PPP1R12A: variants seen among roughly 807,000 people sequenced by gnomAD.
PPP1R12A encodes myosin binding subunit.
A neutral mutation model predicts 139.6 loss-of-function variants in PPP1R12A; 19 were observed. The ratio of observed to expected loss-of-function variants is 0.14; its 90% confidence interval spans 0.09 to 0.20. The LOEUF is 0.20. Among genes scored for constraint, PPP1R12A ranks in the 10% least tolerant of loss-of-function variants. The pLI is 1.00. For synonymous variants in PPP1R12A, 427 were observed against 420.6 expected (o/e 1.02, Z -0.19); for missense variants, 925 against 1,211.5 (o/e 0.76, Z 3.51).
intron 5 of PPP1R12A, among the ~76,000 whole-genome samples, chr12:79,827,818 C>T (rs1372305179): frequency 6.6e-6 from 1 of 152,096 alleles, no homozygotes; most frequent in African/African-American, 2.4e-5. Flanking sequence ...CAATGATCCC[C>T]TTTGGCATAA....
rs1290815438 is a variant in PPP1R12A at position 79,821,751 on chromosome 12, C to CAAA, written c.867+362_867+364dup. On this transcript the variant is annotated intron_variant, in intron 6 of 24. Coordinates refer to ENST00000450142, the MANE Select transcript of PPP1R12A (RefSeq NM_002480.3). ...CTGGGACAGAGTGAGACCCCATCTCCAAAAAAAAAAAAAAACTGTTTTCTA... is the reference window on the plus strand; with the variant it reads ...CTGGGACAGAGTGAGACCCCATCTCCAAAAAAAAAAAAAAAAAACTGTTTTCTA... 4.5e-3 allele frequency among the ~76,000 whole-genome samples: 488 copies of CAAA among 107,336 alleles called. 2 individuals carry two copies. Among genetic ancestry groups the CAAA allele is most frequent in the African/African-American group, 0.016 (459 of 28,844 alleles). 70.4% of individuals were successfully genotyped at this position (107,336 alleles called of 152,430 possible). A position where few individuals can be genotyped will look rare whatever the true frequency, so the allele number is the denominator to read the frequency against.
Position 79,773,742 on chromosome 12 carries a change from A to G in PPP1R12A, c.*2187T>C, listed in dbSNP as rs917632010. ...TTCAAATTGGTATCCAAGTAAAGCA[A>G]TTAGTGAAAAAATACCCATGCAGAA... On this transcript the variant is annotated 3_prime_UTR_variant, in exon 25 of 25. Transcript: ENST00000450142. The G allele has an allele frequency of 3.3e-5, 5 of 152,218 alleles. No homozygotes were observed. Among genetic ancestry groups the G allele is most frequent in the African/African-American group, 1.2e-4 (5 of 41,466 alleles). 9.4% of individuals were successfully genotyped at this position (152,218 alleles called of 1,614,324 possible). A position where few individuals can be genotyped will look rare whatever the true frequency, so the allele number is the denominator to read the frequency against.
Position 79,920,442 on chromosome 12 carries a change from G to T in PPP1R12A, c.237+14253C>A, listed in dbSNP as rs1227788869. 3.9e-5 allele frequency among the ~76,000 whole-genome samples: 6 copies of T among 152,284 alleles called. No homozygotes were observed. The East Asian group carries it at 1.2e-3, about 29-fold the overall frequency. ...TTTTGAGAAAATGCCAGACTGTTTT[G>T]AAAGTGGCTATACCATCTTACTATT... On this transcript the variant is annotated intron_variant, in intron 1 of 24. Transcript: ENST00000450142.
intron 1 of PPP1R12A, among the ~76,000 whole-genome samples, chr12:79,914,345 A>C (rs1474140312): frequency 1.3e-5 from 2 of 151,838 alleles, no homozygotes; most frequent in Non-Finnish European, 2.9e-5. Context: ...CAAAACTATA[A>C]TATAATATAA....
At chr12:79,875,706 T>C (rs1883035167) in intron 1 of PPP1R12A, among the ~76,000 whole-genome samples, 1 of 152,240 alleles carries the variant, frequency 6.6e-6, no homozygotes, top group Non-Finnish European at 1.5e-5. Context: ...AGCCCAAGTT[T>C]ATTAAGAATC....
intron 1 of PPP1R12A, among the ~76,000 whole-genome samples, chr12:79,896,369 C>G (rs535756064): frequency 6.6e-6 from 1 of 152,138 alleles, no homozygotes; most frequent in South Asian, 2.1e-4. Context: ...GTCTCACTTT[C>G]GTCACCCAGG....
At chr12:79,904,690 T>C (rs1296874875) in intron 1 of PPP1R12A, among the ~76,000 whole-genome samples, 1 of 152,210 alleles carries the variant, frequency 6.6e-6, no homozygotes, top group Admixed American at 6.5e-5. Flanking sequence ...CAATATAATG[T>C]TTTATTAAGC....
intron 19 of PPP1R12A, among the ~76,000 whole-genome samples, chr12:79,793,558 AT>A (rs1330649138): frequency 6.6e-6 from 1 of 152,168 alleles, no homozygotes; most frequent in African/African-American, 2.4e-5. Context: ...CGAAGGTTAA[AT>A]GACATACATT....
At chr12:79,914,370 T>C (rs530972482) in intron 1 of PPP1R12A, among the ~76,000 whole-genome samples, 25 of 152,178 alleles carry the variant, frequency 1.6e-4, no homozygotes, top group Admixed American at 3.9e-4. Context: ...AATATTAACA[T>C]TGATATAATA....
chr12:79,921,162 T>C (rs1175403694), intron 1 of PPP1R12A, among the ~76,000 whole-genome samples: 1 of 149,058 alleles, frequency 6.7e-6, no homozygotes, highest in African/African-American at 2.5e-5. Flanking sequence ...CAAAAGATGA[T>C]TTTTTTTTAG....
chr12:79,796,560 T>C (rs767013105), intron 17 of PPP1R12A, among the ~76,000 whole-genome samples: 11 of 152,138 alleles, frequency 7.2e-5, no homozygotes, highest in Non-Finnish European at 1.0e-4. Flanking sequence ...ATGAAGATTT[T>C]TGTGAAGTAT....
chr12:79,919,108 TAAAA>T (rs879414320), intron 1 of PPP1R12A, among the ~76,000 whole-genome samples: 1 of 147,244 alleles, frequency 6.8e-6, no homozygotes, highest in African/African-American at 2.5e-5. Context: ...ACTCTTGTCT[TAAAA>T]AAAAAAATCC....
intron 1 of PPP1R12A, among the ~76,000 whole-genome samples, chr12:79,929,651 C>A (rs1888102193): frequency 1.3e-5 from 2 of 152,170 alleles, no homozygotes; most frequent in Admixed American, 1.3e-4. Flanking sequence ...CACCCGTAAT[C>A]CCAGCTACTT....
chr12:79,911,032 G>A (rs1008021113), intron 1 of PPP1R12A, among the ~76,000 whole-genome samples: 8 of 152,094 alleles, frequency 5.3e-5, no homozygotes, highest in African/African-American at 1.9e-4. Context: ...TATCTCTACG[G>A]TGAACTACTG....
intron 1 of PPP1R12A, among the ~76,000 whole-genome samples, chr12:79,883,299 A>G (rs942209805): frequency 1.3e-5 from 2 of 152,182 alleles, no homozygotes; most frequent in African/African-American, 2.4e-5. Context: ...ATAATGCTAC[A>G]TTACATTTAA....
chr12:79,893,313 A>G (rs1302402452), intron 1 of PPP1R12A, among the ~76,000 whole-genome samples: 2 of 151,930 alleles, frequency 1.3e-5, no homozygotes, highest in South Asian at 2.1e-4. Flanking sequence ...GCCTCCCACT[A>G]TTTTCGGTGA....
In PPP1R12A at chr12:79,774,333, A is replaced by G. The variant is rs530829504; in HGVS notation, c.*1596T>C. 1 of 152,688 alleles carries G rather than the reference A, an allele frequency of 6.5e-6. No individual in the cohort carries two copies. Among genetic ancestry groups the G allele is most frequent in the African/African-American group, 2.4e-5 (1 of 41,572 alleles). The allele number at this position is 152,688 out of a possible 1,614,324, so 9.5% of individuals were successfully genotyped here. A position where few individuals can be genotyped will look rare whatever the true frequency, so the allele number is the denominator to read the frequency against. ...AGAGGACTTAAAATCCTGCTTACCA[A>G]AACACCCTTCCCCAACCCCAAAGTA... On this transcript the variant is annotated 3_prime_UTR_variant, in exon 25 of 25. Coordinates refer to ENST00000450142, the MANE Select transcript of PPP1R12A (RefSeq NM_002480.3).
At chr12:79,874,000 G>A (rs1226548997) in intron 1 of PPP1R12A, among the ~76,000 whole-genome samples, 1 of 152,160 alleles carries the variant, frequency 6.6e-6, no homozygotes, top group Non-Finnish European at 1.5e-5. Flanking sequence ...TTAACGCCAG[G>A]CGCGGTGGCT....
Position 79,845,388 on chromosome 12 carries a change from G to A in PPP1R12A, c.401C>T (p.Ala134Val). ...FLIGQGAHVGAVNSEGDTPLD... is the reference protein window; with the variant it reads ...FLIGQGAHVGVVNSEGDTPLD... The stretch of plus-strand genomic sequence containing the variant: ...AGGTGTATCTCCTTCACTGTTGACA[G>A]CCCCTACATGTGCTCCTTGACCAAT... Residue 134 changes from alanine (A) to valine (V), a missense_variant, in exon 3 of 25, where the codon GCT becomes GTT. By Grantham distance (64) the Ala-to-Val change is moderately conservative. This residue lies in a region of PPP1R12A where 199 missense variants were observed against 352.4 expected (regional missense o/e 0.56). Coordinates refer to ENST00000450142, the MANE Select transcript of PPP1R12A (RefSeq NM_002480.3). The A allele has an allele frequency of 6.2e-7, 1 of 1,613,420 alleles. No homozygotes were observed. Among genetic ancestry groups the A allele is most frequent in the Non-Finnish European group, 8.5e-7 (1 of 1,179,612 alleles).
Sources: gnomAD v4.1 joint callset for allele counts (sites outside exome capture counted in the v4.1 genomes callset) on GRCh38, gnomAD v4.1.1 for gene constraint, gnomAD v4.1.1 regional missense constraint, MANE v1.5 for transcripts, NCBI Gene and HGNC (gene_info 2026-07-23, HGNC 2026-07-21) for gene names.